Variants in SLC8A1 observed in about 807,000 individuals in gnomAD.
The protein encoded by SLC8A1 is sodium/calcium exchanger 1.
SLC8A1 carries 18 observed loss-of-function variants against 68.3 expected under a neutral mutation model. The observed-to-expected ratio is 0.26, with a 90% CI of 0.18 to 0.39. The LOEUF (loss-of-function observed/expected upper bound fraction) is 0.39. Among genes scored for constraint, SLC8A1 ranks in the 10% least tolerant of loss-of-function variants. The pLI is 1.00. For synonymous variants in SLC8A1, 475 were observed against 415.5 expected (o/e 1.14, Z -1.74); for missense variants, 985 against 1,156.7 (o/e 0.85, Z 2.15).
At chr2:40,129,042 T>G (rs1162101465) in intron 7 of SLC8A1, among the ~76,000 whole-genome samples, 3 of 152,206 alleles carry the variant, frequency 2.0e-5, no homozygotes, top group African/African-American at 7.2e-5. Flanking sequence ...GATGAAATGT[T>G]CTAAAACTGG....
intron 2 of SLC8A1, among the ~76,000 whole-genome samples, chr2:40,353,315 G>A (rs143629174): frequency 7.2e-5 from 11 of 152,242 alleles, no homozygotes; most frequent in African/African-American, 2.6e-4. Flanking sequence ...AGCAAAGAGA[G>A]CAATCTTCCT....
intron 2 of SLC8A1, among the ~76,000 whole-genome samples, chr2:40,287,617 T>TGTGC (rs1553475967): frequency 4.7e-5 from 7 of 149,176 alleles, no homozygotes; most frequent in Admixed American, 2.0e-4. Flanking sequence ...TGTGTGTGTG[T>TGTGC]GTGCATGCAG....
intron 1 of SLC8A1, among the ~76,000 whole-genome samples, chr2:40,482,483 C>G (rs1704691537): frequency 6.6e-6 from 1 of 152,138 alleles, no homozygotes; most frequent in Non-Finnish European, 1.5e-5. Flanking sequence ...GAACTCATGT[C>G]TTTAGGGTCC....
intron 2 of SLC8A1, among the ~76,000 whole-genome samples, chr2:40,346,610 T>C (rs1669397034): frequency 6.6e-6 from 1 of 152,048 alleles, no homozygotes. Flanking sequence ...TAATGGAATT[T>C]ACAAGTCTGG....
At chr2:40,456,513 G>C (rs1354725522), upstream of SLC8A1, among the ~76,000 whole-genome samples, 2 of 152,146 alleles carry the variant, frequency 1.3e-5, no homozygotes, top group African/African-American at 4.8e-5. Context: ...TTGGTTAAGA[G>C]CCAAGGCTTT....
chr2:40,311,120 G>C (rs1026474359), intron 2 of SLC8A1, among the ~76,000 whole-genome samples: 3 of 152,020 alleles, frequency 2.0e-5, no homozygotes, highest in Non-Finnish European at 4.4e-5. Flanking sequence ...TCAATCTATA[G>C]GTTTAAGAAC....
At chr2:40,508,919 C>A (rs1049554447) in intron 1 of SLC8A1, among the ~76,000 whole-genome samples, 3 of 152,008 alleles carry the variant, frequency 2.0e-5, no homozygotes, top group Non-Finnish European at 4.4e-5. Context: ...CATTTAATTC[C>A]TCAGGGGTAC....
At chr2:40,425,511 T>C (rs1696622799) in intron 2 of SLC8A1, among the ~76,000 whole-genome samples, 1 of 151,926 alleles carries the variant, frequency 6.6e-6, no homozygotes, top group Admixed American at 6.6e-5. Context: ...AATCTCTTTA[T>C]GGTGCTCTGG....
chr2:40,140,930 ATAG>A (rs59511469), intron 6 of SLC8A1, among the ~76,000 whole-genome samples: 1,753 of 152,362 alleles, frequency 0.012, 32 homozygotes, highest in African/African-American at 0.039. Flanking sequence ...GAAATCAATA[ATAG>A]TAATCTAAAA....
chr2:40,111,686 G>C (rs1355670080), exon 8 of SLC8A1: 2 of 152,072 alleles, frequency 1.3e-5, no homozygotes, highest in Non-Finnish European at 2.9e-5. Flanking sequence ...TATGATATAT[G>C]AAGTTAATAA....
chr2:40,431,571 G>A (rs1252666722), intron 1 of SLC8A1, among the ~76,000 whole-genome samples: 1 of 152,094 alleles, frequency 6.6e-6, no homozygotes, highest in African/African-American at 2.4e-5. Context: ...ATGGAGGTGA[G>A]GGGAAACTGA....
At chr2:40,154,587 A>T (rs1333102104) in intron 6 of SLC8A1, among the ~76,000 whole-genome samples, 3 of 149,250 alleles carry the variant, frequency 2.0e-5, no homozygotes, top group Non-Finnish European at 4.4e-5. Flanking sequence ...TCAGACTCCC[A>T]AAGTATTGGG....
At chr2:40,130,406 A>G (rs1458040834) in intron 7 of SLC8A1, among the ~76,000 whole-genome samples, 1 of 152,206 alleles carries the variant, frequency 6.6e-6, no homozygotes, top group Non-Finnish European at 1.5e-5. Flanking sequence ...AGTGTGCTGG[A>G]AAGTACAAAG....
At chr2:40,284,029 T>C (rs1169319323) in intron 2 of SLC8A1, among the ~76,000 whole-genome samples, 1 of 152,136 alleles carries the variant, frequency 6.6e-6, no homozygotes, top group Non-Finnish European at 1.5e-5. Context: ...TTGGCCGTAT[T>C]ATGGAATGAC....
At chr2:40,482,287 G>T (rs972355730) in intron 1 of SLC8A1, among the ~76,000 whole-genome samples, 4 of 152,020 alleles carry the variant, frequency 2.6e-5, no homozygotes, top group Non-Finnish European at 5.9e-5. Flanking sequence ...ACATTGCAGG[G>T]TCATTTATAG....
chr2:40,359,622 T>G (rs1185159884), intron 2 of SLC8A1, among the ~76,000 whole-genome samples: 1 of 152,042 alleles, frequency 6.6e-6, no homozygotes, highest in African/African-American at 2.4e-5. Context: ...GTGGAAGGAT[T>G]TGAGAGATAT....
At chr2:40,321,439 G>A (rs2075175780) in intron 2 of SLC8A1, among the ~76,000 whole-genome samples, 3 of 152,084 alleles carry the variant, frequency 2.0e-5, no homozygotes, top group African/African-American at 7.2e-5. Context: ...AAGGCTCTCA[G>A]TAACGCATGG....
chr2:40,311,579 G>A (rs2073679972), intron 2 of SLC8A1, among the ~76,000 whole-genome samples: 1 of 151,888 alleles, frequency 6.6e-6, no homozygotes, highest in Non-Finnish European at 1.5e-5. Flanking sequence ...TTACAAGTGT[G>A]TTTATTTATA....
intron 1 of SLC8A1, among the ~76,000 whole-genome samples, chr2:40,438,336 A>G (rs1307593130): frequency 6.6e-6 from 1 of 152,178 alleles, no homozygotes; most frequent in East Asian, 1.9e-4. Context: ...TTTTCTACCT[A>G]AAAATATTTC....
Sources: allele counts gnomAD v4.1 joint callset (sites outside exome capture counted in the v4.1 genomes callset), GRCh38; gene constraint gnomAD v4.1.1; transcripts MANE v1.5; gene names NCBI Gene and HGNC (gene_info 2026-07-23, HGNC 2026-07-21).